The following ST6GALNAC5 variants were observed in gnomAD, a reference collection of about 807,000 sequenced individuals.
The protein encoded by ST6GALNAC5 is ST6 N-acetylgalactosaminide alpha-2,6-sialyltransferase 5.
A neutral mutation model predicts 33.6 loss-of-function variants in ST6GALNAC5; 27 were observed. The observed-to-expected ratio is 0.80, with a 90% CI of 0.59 to 1.11. The LOEUF (loss-of-function observed/expected upper bound fraction) is 1.11, where lower values mean the gene tolerates loss of function less well. Among genes scored for constraint, ST6GALNAC5 ranks in the 50% least tolerant of loss-of-function variants. The pLI is 0.00. For synonymous variants in ST6GALNAC5, 194 were observed against 171.2 expected (o/e 1.13, Z -1.04); for missense variants, 428 against 454.0 (o/e 0.94, Z 0.52).
chr1:77,043,719 C>CACAACT (rs2100461506), intron 2 of ST6GALNAC5, among the ~76,000 whole-genome samples: 1 of 152,240 alleles, frequency 6.6e-6, no homozygotes, highest in East Asian at 1.9e-4. Flanking sequence ...TTAAGAGCAT[C>CACAACT]ACAACTAGTG....
intron 2 of ST6GALNAC5, among the ~76,000 whole-genome samples, chr1:76,949,336 C>G (rs1647652124): frequency 6.6e-6 from 1 of 152,106 alleles, no homozygotes; most frequent in Non-Finnish European, 1.5e-5. Flanking sequence ...CTGAACATGG[C>G]CTGTTTGGGC....
chr1:76,972,073 A>T (rs975327409), intron 2 of ST6GALNAC5, among the ~76,000 whole-genome samples: 2 of 152,210 alleles, frequency 1.3e-5, no homozygotes, highest in African/African-American at 4.8e-5. Context: ...ATAAATAAAT[A>T]CCCGAGACTG....
intron 2 of ST6GALNAC5, among the ~76,000 whole-genome samples, chr1:76,968,526 C>T (rs1452194621): frequency 1.3e-5 from 2 of 152,154 alleles, no homozygotes; most frequent in Non-Finnish European, 2.9e-5. Flanking sequence ...GGTCTTGACT[C>T]CTTATCCAAT....
chr1:76,890,684 C>A (rs1350282718), intron 2 of ST6GALNAC5, among the ~76,000 whole-genome samples: 2 of 151,878 alleles, frequency 1.3e-5, no homozygotes, highest in Non-Finnish European at 2.9e-5. Flanking sequence ...GTATCAATTA[C>A]AAATTTTAAA....
chr1:77,065,330 G>A lies in ST6GALNAC5; in HGVS notation c.*2124G>A, dbSNP rs1436979270. The A allele has an allele frequency of 2.0e-5, 3 of 151,940 alleles. No individual in the cohort carries two copies. Among genetic ancestry groups the A allele is most frequent in the African/African-American group, 4.8e-5 (2 of 41,346 alleles). 9.4% of individuals were successfully genotyped at this position (151,940 alleles called of 1,614,324 possible). A position where few individuals can be genotyped will look rare whatever the true frequency, so the allele number is the denominator to read the frequency against. ...TCATCTAATAATATCTCACATATCT[G>A]TCTATCTTCAGATTTTAGATTTTCT... On this transcript the variant is annotated 3_prime_UTR_variant, in exon 5 of 5. Coordinates refer to ENST00000477717, the MANE Select transcript of ST6GALNAC5 (RefSeq NM_030965.3).
chr1:77,008,126 C>T (rs1650497190), intron 2 of ST6GALNAC5, among the ~76,000 whole-genome samples: 1 of 152,076 alleles, frequency 6.6e-6, no homozygotes, highest in Admixed American at 6.5e-5. Flanking sequence ...GTCATCAGTA[C>T]CTGGAGATGA....
At chr1:76,910,275 T>A (rs552200412) in intron 2 of ST6GALNAC5, among the ~76,000 whole-genome samples, 2 of 152,078 alleles carry the variant, frequency 1.3e-5, no homozygotes, top group Non-Finnish European at 2.9e-5. Flanking sequence ...TGTAATTGCA[T>A]CTTATTATAT....
At chr1:77,056,066 G>A (rs930332151) in intron 4 of ST6GALNAC5, among the ~76,000 whole-genome samples, 4 of 152,148 alleles carry the variant, frequency 2.6e-5, no homozygotes, top group Non-Finnish European at 1.5e-5. Context: ...TCAAAGAGGG[G>A]CTCAGGCATC....
rs76156443 is a variant in ST6GALNAC5, at chr1:77,058,343, C to T, written c.780-4632C>T. 3.7e-3 allele frequency among the ~76,000 whole-genome samples: 565 copies of T among 152,294 alleles called. 4 individuals are homozygous for T. The highest frequency in any genetic ancestry group is 0.013 in the African/African-American group (543 of 41,570). On this transcript the variant is annotated intron_variant, in intron 4 of 4. Coordinates refer to ENST00000477717, the MANE Select transcript of ST6GALNAC5 (RefSeq NM_030965.3). The stretch of plus-strand genomic sequence containing the variant: ...TTGAAATTTGATCCTCAGTGTTGGA[C>T]GTGGGGCCTAGTGGCAGGTGTTTGG...
At chr1:77,012,846 C>G (rs34099189) in intron 2 of ST6GALNAC5, among the ~76,000 whole-genome samples, 33,297 of 152,044 alleles carry the variant, frequency 0.22, 4,097 homozygotes, top group African/African-American at 0.31. Flanking sequence ...AAGAATCTTA[C>G]AACTGAGTGG....
chr1:76,957,959 C>T (rs990616501), intron 2 of ST6GALNAC5, among the ~76,000 whole-genome samples: 2 of 151,954 alleles, frequency 1.3e-5, no homozygotes, highest in Admixed American at 1.3e-4. Flanking sequence ...TTTCATGATA[C>T]TCATATTTTT....
intron 2 of ST6GALNAC5, among the ~76,000 whole-genome samples, chr1:76,930,986 A>G (rs1163038053): frequency 1.3e-5 from 2 of 152,106 alleles, no homozygotes; most frequent in African/African-American, 2.4e-5. Flanking sequence ...TTGCATAACC[A>G]GTACAATATG....
At chr1:77,020,893 C>T (rs1651026835) in intron 2 of ST6GALNAC5, among the ~76,000 whole-genome samples, 1 of 152,216 alleles carries the variant, frequency 6.6e-6, no homozygotes, top group Admixed American at 6.5e-5. Flanking sequence ...GAGCTATAGG[C>T]AGGAACACCT....
intron 2 of ST6GALNAC5, among the ~76,000 whole-genome samples, chr1:76,987,217 A>T (rs1156555708): frequency 2.0e-5 from 3 of 152,066 alleles, no homozygotes; most frequent in South Asian, 2.1e-4. Context: ...GAAAATTTTT[A>T]AAAAGTAGCT....
chr1:77,056,642 G>C (rs1652409638), intron 4 of ST6GALNAC5, among the ~76,000 whole-genome samples: 3 of 152,208 alleles, frequency 2.0e-5, no homozygotes, highest in Non-Finnish European at 2.9e-5. Context: ...AGTCCACCGG[G>C]TAGAATCGGA....
intron 2 of ST6GALNAC5, among the ~76,000 whole-genome samples, chr1:77,021,999 C>G (rs184637380): frequency 2.0e-5 from 3 of 152,156 alleles, no homozygotes; most frequent in African/African-American, 7.2e-5. Flanking sequence ...GTCTGTGCTG[C>G]GCCCCCCGTT....
intron 3 of ST6GALNAC5, 59 bp from the exon 4 acceptor site, chr1:77,050,199 T>G (rs888268467): frequency 7.2e-7 from 1 of 1,387,972 alleles, no homozygotes; most frequent in African/African-American, 1.4e-5. Context: ...GAATTAAAGA[T>G]GGTAGTGGGT....
At position 76,891,177 on chromosome 1, in the gene ST6GALNAC5, G is replaced by A. The variant is rs548204530; in HGVS notation, c.261+22435G>A. Among the ~76,000 whole-genome samples, 13 of 152,198 alleles carry A rather than the reference G, an allele frequency of 8.5e-5. No individual in the cohort carries two copies. The East Asian group carries it at 1.9e-3, about 23-fold the overall frequency. ...GAACAGCAAAATGGTTTTCCAAAAGGCTGTACCATTTTACAGTCCCACCAG... is the reference window on the plus strand; with the variant it reads ...GAACAGCAAAATGGTTTTCCAAAAGACTGTACCATTTTACAGTCCCACCAG... On this transcript the variant is annotated intron_variant, in intron 2 of 4. Coordinates refer to ENST00000477717, the MANE Select transcript of ST6GALNAC5 (RefSeq NM_030965.3).
At chr1:77,027,405 G>A (rs946672757) in intron 2 of ST6GALNAC5, among the ~76,000 whole-genome samples, 3 of 152,158 alleles carry the variant, frequency 2.0e-5, no homozygotes, top group Non-Finnish European at 2.9e-5. Context: ...TACTGTGTGT[G>A]TTGAAAACTG....
Sources: gnomAD v4.1 joint callset for allele counts (sites outside exome capture counted in the v4.1 genomes callset) on GRCh38, gnomAD v4.1.1 for gene constraint, MANE v1.5 for transcripts, NCBI Gene and HGNC (gene_info 2026-07-23, HGNC 2026-07-21) for gene names.